ZBTB20: variants seen among roughly 807,000 people sequenced by gnomAD.
ZBTB20 encodes zinc finger and BTB domain-containing protein 20.
ZBTB20 carries 9 observed loss-of-function variants against 56.9 expected under a neutral mutation model. The observed-to-expected ratio is 0.16, with a 90% CI of 0.10 to 0.28. The LOEUF (loss-of-function observed/expected upper bound fraction) is 0.28. Ranked by LOEUF, ZBTB20 falls within the 10% of genes least tolerant of loss-of-function variation. The pLI is 1.00. For missense variants in ZBTB20, 655 were observed against 1,003.0 expected (o/e 0.65, Z 4.69); for synonymous variants, 417 against 420.7 (o/e 0.99, Z 0.11).
At chr3:114,860,534 G>C (rs1008970070) in intron 4 of ZBTB20, among the ~76,000 whole-genome samples, 1 of 152,128 alleles carries the variant, frequency 6.6e-6, no homozygotes, top group East Asian at 1.9e-4. Context: ...AATAACATTA[G>C]AGATTACGTC....
Position 114,380,278 on chromosome 3 carries a change from T to A in ZBTB20, c.138A>T (p.Pro46=), listed in dbSNP as rs755889550. Reference sequence around the variant, plus strand: ...GTGAATGTGTTGAGTGGATGAGGGCTGGGTCTGGAGACAAAACAGCTTCAA... The same window carrying A: ...GTGAATGTGTTGAGTGGATGAGGGCAGGGTCTGGAGACAAAACAGCTTCAA... ...LNFEAVLSPD[P]ALIHSTHSLT... Residue 46 remains proline (P), a synonymous_variant, in exon 10 of 12, where the codon CCA becomes CCT. Coordinates refer to ENST00000675478, the MANE Select transcript of ZBTB20 (RefSeq NM_001348800.3). 5.9e-6 allele frequency: 9 copies of A among 1,537,040 alleles called. No individual in the cohort carries two copies. Among genetic ancestry groups the A allele is most frequent in the Non-Finnish European group, 7.0e-6 (8 of 1,146,880 alleles).
At chr3:114,361,359 T>C (rs943847601) in intron 10 of ZBTB20, among the ~76,000 whole-genome samples, 1 of 152,240 alleles carries the variant, frequency 6.6e-6, no homozygotes, top group Non-Finnish European at 1.5e-5. Flanking sequence ...TCCTTTTCTG[T>C]GAAGCCTTCT....
intron 1 of ZBTB20, among the ~76,000 whole-genome samples, chr3:115,076,242 T>C (rs2082589002): frequency 6.6e-6 from 1 of 152,188 alleles, no homozygotes; most frequent in Admixed American, 6.5e-5. Context: ...ATACCATGAA[T>C]AGCCAAATCG....
chr3:114,747,923 A>AAAAAAAC (rs2067168852), intron 5 of ZBTB20, among the ~76,000 whole-genome samples: 2 of 147,648 alleles, frequency 1.4e-5, no homozygotes, highest in African/African-American at 5.1e-5. Flanking sequence ...TCTCAAAAAA[A>AAAAAAAC]AAAAAAAAAA....
At chr3:114,427,633 A>C (rs1676750743) in intron 7 of ZBTB20, among the ~76,000 whole-genome samples, 1 of 152,204 alleles carries the variant, frequency 6.6e-6, no homozygotes, top group Admixed American at 6.5e-5. Flanking sequence ...AGACTTGCCC[A>C]CCCCCAAGTA....
chr3:114,864,144 T>A (rs985661939), intron 4 of ZBTB20, among the ~76,000 whole-genome samples: 1 of 152,116 alleles, frequency 6.6e-6, no homozygotes, highest in African/African-American at 2.4e-5. Context: ...AAATCTGTTA[T>A]CTAAAAATCA....
intron 1 of ZBTB20, among the ~76,000 whole-genome samples, chr3:115,081,557 A>T (rs1051387804): frequency 1.1e-4 from 16 of 152,210 alleles, no homozygotes; most frequent in African/African-American, 3.8e-4. Context: ...AGATATTTAG[A>T]TTTATACTAT....
intron 3 of ZBTB20, among the ~76,000 whole-genome samples, chr3:114,913,521 C>T (rs1391877782): frequency 6.6e-6 from 1 of 152,006 alleles, no homozygotes; most frequent in African/African-American, 2.4e-5. Flanking sequence ...CACTTTCTCT[C>T]ATTCTGTGGG....
At chr3:114,600,221 C>A (rs1438293805) in intron 6 of ZBTB20, among the ~76,000 whole-genome samples, 1 of 151,982 alleles carries the variant, frequency 6.6e-6, no homozygotes, top group Admixed American at 6.6e-5. Context: ...AGCAATTACA[C>A]TATAAAATCT....
chr3:115,048,680 T>A (rs1433697825), intron 2 of ZBTB20, among the ~76,000 whole-genome samples: 1 of 152,096 alleles, frequency 6.6e-6, no homozygotes, highest in African/African-American at 2.4e-5. Context: ...TTAAGGACTA[T>A]TGCAAAAGTC....
chr3:114,648,256 G>A (rs1363185470), intron 6 of ZBTB20, among the ~76,000 whole-genome samples: 1 of 151,694 alleles, frequency 6.6e-6, no homozygotes, highest in Non-Finnish European at 1.5e-5. Flanking sequence ...ATCATTAATA[G>A]CTATAAACAT....
chr3:114,778,367 A>G (rs2069794756), intron 5 of ZBTB20, among the ~76,000 whole-genome samples: 1 of 151,402 alleles, frequency 6.6e-6, no homozygotes. Context: ...AACAGCAACA[A>G]CAACAAAAAA....
At chr3:114,416,341 AAAC>A (rs1464519513) in intron 7 of ZBTB20, among the ~76,000 whole-genome samples, 11 of 135,452 alleles carry the variant, frequency 8.1e-5, no homozygotes, top group East Asian at 4.3e-4. Flanking sequence ...AAAAAAAAAA[AAAC>A]AACTAACTAA....
intron 5 of ZBTB20, among the ~76,000 whole-genome samples, chr3:114,725,838 TACA>T (rs1303453360): frequency 6.6e-6 from 1 of 152,194 alleles, no homozygotes; most frequent in African/African-American, 2.4e-5. Flanking sequence ...TTCAGCATTA[TACA>T]ACAATATAGG....
chr3:114,437,363 T>C (rs1354958136), intron 7 of ZBTB20, among the ~76,000 whole-genome samples: 1 of 152,122 alleles, frequency 6.6e-6, no homozygotes, highest in African/African-American at 2.4e-5. Flanking sequence ...GCCTACTTGG[T>C]TGAGGTGAGA....
At chr3:114,457,850 C>T (rs756355087) in intron 7 of ZBTB20, among the ~76,000 whole-genome samples, 2 of 152,128 alleles carry the variant, frequency 1.3e-5, no homozygotes, top group East Asian at 3.8e-4. Context: ...TTTTAAAGCC[C>T]GCATTCTCAG....
chr3:114,879,756 T>G (rs1237768759), intron 4 of ZBTB20, among the ~76,000 whole-genome samples: 1 of 152,166 alleles, frequency 6.6e-6, no homozygotes, highest in Non-Finnish European at 1.5e-5. Context: ...TTTTCTACAC[T>G]CTAACATATT....
Position 114,628,924 on chromosome 3 carries a change from T to TA in ZBTB20, c.-295+64603dup, listed in dbSNP as rs757413062. On this transcript the variant is annotated intron_variant, in intron 6 of 11. Transcript: ENST00000675478. ...TTCATCCAGTTTGTCCATATTTTGT[T>TA]AAAAAAAAAGTAATAGGTTAGCTAT... Among the ~76,000 whole-genome samples the TA allele has an allele frequency of 8.0e-4, 121 of 151,340 alleles. 1 individual carries two copies. The highest frequency in any genetic ancestry group is 8.6e-4 in the Admixed American group (13 of 15,176).
At chr3:114,844,035 T>C (rs2074524400) in intron 4 of ZBTB20, among the ~76,000 whole-genome samples, 1 of 151,990 alleles carries the variant, frequency 6.6e-6, no homozygotes, top group Non-Finnish European at 1.5e-5. Flanking sequence ...ACTTTATTTG[T>C]ATTGCTAAAA....
Sources: gnomAD v4.1 joint callset for allele counts (sites outside exome capture counted in the v4.1 genomes callset) on GRCh38, gnomAD v4.1.1 for gene constraint, MANE v1.5 for transcripts, NCBI Gene and HGNC (gene_info 2026-07-23, HGNC 2026-07-21) for gene names.